Variants in TENM3 observed in about 807,000 individuals in gnomAD.
TENM3 encodes the protein teneurin-3.
A neutral mutation model predicts 255.1 loss-of-function variants in TENM3; 63 were observed. The ratio of observed to expected loss-of-function variants is 0.25; its 90% CI spans 0.20 to 0.30. TENM3 has a LOEUF of 0.30. TENM3 is among the 10% of genes least tolerant of loss of function. The pLI is 1.00. For synonymous variants in TENM3, 1,306 were observed against 1,322.3 expected (o/e 0.99, Z 0.27); for missense variants, 2,929 against 3,461.1 (o/e 0.85, Z 3.86).
At chr4:181,763,484 A>G in the TENM3 span, among the ~76,000 whole-genome samples, 1 of 152,314 alleles carries the variant, frequency 6.6e-6, no homozygotes, top group African/African-American at 2.4e-5. Context: ...ATATTTTTAT[A>G]TTTTTATATA....
intron 1 of TENM3, among the ~76,000 whole-genome samples, chr4:182,179,587 A>G (rs904114383): frequency 3.9e-5 from 6 of 152,230 alleles, no homozygotes; most frequent in Non-Finnish European, 2.9e-5. Context: ...TACAAAATAG[A>G]CTATGGTAGT....
rs1374011179 is a variant in TENM3, at chr4:182,567,665, C to T, written c.512-33259C>T. ...GCTTAACTCTCTCATCTCTTCCATT[C>T]AGTCTTTGCTCAATGTTCCTGCTTA... On this transcript the variant is annotated intron_variant, in intron 3 of 27. Coordinates refer to ENST00000511685, the MANE Select transcript of TENM3 (RefSeq NM_001080477.4). 2.0e-5 allele frequency among the ~76,000 whole-genome samples: 3 copies of T among 152,070 alleles called. No homozygotes were observed. The East Asian group carries it at 5.8e-4, about 29-fold the overall frequency.
intron 17 of TENM3, among the ~76,000 whole-genome samples, chr4:182,737,302 T>C (rs1292249520): frequency 1.3e-5 from 2 of 152,206 alleles, no homozygotes; most frequent in African/African-American, 4.8e-5. Context: ...AATTATGTTG[T>C]AGAGGAATTC....
At chr4:181,602,637 TAGGC>T in the TENM3 span, among the ~76,000 whole-genome samples, 4 of 152,152 alleles carry the variant, frequency 2.6e-5, no homozygotes, top group African/African-American at 4.8e-5. Flanking sequence ...TAAGAAGAAA[TAGGC>T]AGGGAAAAAG....
chr4:181,768,721 C>T, the TENM3 span, among the ~76,000 whole-genome samples: 4 of 152,038 alleles, frequency 2.6e-5, no homozygotes, highest in East Asian at 7.7e-4. Flanking sequence ...GGCTACATTC[C>T]TATCAAAGAC....
intron 3 of TENM3, among the ~76,000 whole-genome samples, chr4:182,447,817 C>T (rs1048595081): frequency 2.6e-5 from 4 of 152,014 alleles, no homozygotes; most frequent in African/African-American, 9.7e-5. Context: ...AATTCACGAA[C>T]ATTCAGTCAT....
the TENM3 span, among the ~76,000 whole-genome samples, chr4:182,137,729 G>C: frequency 6.6e-6 from 1 of 152,196 alleles, no homozygotes; most frequent in African/African-American, 2.4e-5. Flanking sequence ...TTTTCAGCTA[G>C]AGGGATTAGT....
At chr4:182,616,292 T>A (rs1749508270) in intron 4 of TENM3, among the ~76,000 whole-genome samples, 1 of 150,704 alleles carries the variant, frequency 6.6e-6, no homozygotes, top group Admixed American at 6.6e-5. Context: ...GAATATGCGG[T>A]GTTTGGTTTT....
At chr4:181,468,164 T>G in the TENM3 span, among the ~76,000 whole-genome samples, 1 of 146,830 alleles carries the variant, frequency 6.8e-6, no homozygotes. Context: ...TGGTGGCGCA[T>G]GCCTGCGGTT....
chr4:182,239,033 ATGTG>A (rs10533748), upstream of TENM3, among the ~76,000 whole-genome samples: 16,682 of 139,976 alleles, frequency 0.12, 1,027 homozygotes, highest in Middle Eastern at 0.16. Context: ...AAAAATCTTT[ATGTG>A]TGTGTGTGTG....
chr4:182,465,648 A>T (rs1382633243), intron 3 of TENM3, among the ~76,000 whole-genome samples: 2 of 152,220 alleles, frequency 1.3e-5, no homozygotes, highest in Non-Finnish European at 2.9e-5. Context: ...TTATAAAAAA[A>T]GTATACTGCT....
At chr4:181,740,815 G>A in the TENM3 span, among the ~76,000 whole-genome samples, 7 of 152,070 alleles carry the variant, frequency 4.6e-5, no homozygotes, top group Non-Finnish European at 8.8e-5. Flanking sequence ...TGAAACATTC[G>A]GGAGAACATG....
At position 182,789,731 on chromosome 4, in the gene TENM3, T is replaced by C. The variant is rs1404245999; in HGVS notation, c.5601+342T>C. Among the ~76,000 whole-genome samples, 1 of 152,228 alleles carries C rather than the reference T, an allele frequency of 6.6e-6. No homozygotes were observed. The highest frequency in any genetic ancestry group is 1.5e-5 in the Non-Finnish European group (1 of 68,038). On this transcript the variant is annotated intron_variant, in intron 25 of 27. Coordinates refer to ENST00000511685, the MANE Select transcript of TENM3 (RefSeq NM_001080477.4). The surrounding 1 kb of genome is among the most constrained non-coding windows in gnomAD (Gnocchi z 4.4). Reference sequence around the variant, plus strand: ...GCTTGTAAATAATTTTCGTGCTAGCTCTTCCATTTAAGAGAGAGCCTTACA... The same window carrying C: ...GCTTGTAAATAATTTTCGTGCTAGCCCTTCCATTTAAGAGAGAGCCTTACA...
chr4:181,753,798 A>T, the TENM3 span, among the ~76,000 whole-genome samples: 1 of 152,210 alleles, frequency 6.6e-6, no homozygotes, highest in Non-Finnish European at 1.5e-5. Flanking sequence ...TTGAACATGC[A>T]GATGGCAGAG....
At chr4:181,804,249 T>C in the TENM3 span, among the ~76,000 whole-genome samples, 3 of 143,134 alleles carry the variant, frequency 2.1e-5, no homozygotes, top group East Asian at 2.2e-4. Flanking sequence ...CTGGATTTTA[T>C]GTGGAATTAA....
At chr4:182,625,704 A>G (rs1750755466) in intron 4 of TENM3, among the ~76,000 whole-genome samples, 1 of 152,140 alleles carries the variant, frequency 6.6e-6, no homozygotes, top group South Asian at 2.1e-4. Flanking sequence ...CCAGAAGATA[A>G]TAATAGGATG....
the TENM3 span, among the ~76,000 whole-genome samples, chr4:182,047,219 C>T: frequency 6.6e-6 from 1 of 152,250 alleles, no homozygotes; most frequent in East Asian, 1.9e-4. Flanking sequence ...CTTGCTGACA[C>T]TGGCAGGAAA....
chr4:181,865,741 A>C, the TENM3 span, among the ~76,000 whole-genome samples: 1 of 152,174 alleles, frequency 6.6e-6, no homozygotes, highest in Admixed American at 6.5e-5. Flanking sequence ...GATATGATAC[A>C]GGTCCATAGG....
At chr4:181,986,124 C>T in the TENM3 span, among the ~76,000 whole-genome samples, 1 of 152,068 alleles carries the variant, frequency 6.6e-6, no homozygotes, top group African/African-American at 2.4e-5. Flanking sequence ...TTCAGGATGG[C>T]TCTGCCCACA....
Sources: allele counts gnomAD v4.1 joint callset (sites outside exome capture counted in the v4.1 genomes callset), GRCh38; gene constraint gnomAD v4.1.1; non-coding constraint Gnocchi (gnomAD v3.1); transcripts MANE v1.5; gene names NCBI Gene and HGNC (gene_info 2026-07-23, HGNC 2026-07-21).